NRG3: variants seen among roughly 807,000 people sequenced by gnomAD.
NRG3 encodes pro-neuregulin-3, membrane-bound isoform.
In NRG3, 31 loss-of-function variants were observed where a neutral mutation model predicts 66.9. That is an observed-to-expected ratio of 0.46 (90% CI 0.35 to 0.63). NRG3 has a LOEUF of 0.63. NRG3 is among the 20% of genes least tolerant of loss of function. The probability of loss-of-function intolerance (pLI) is 0.00; values close to 1 mark genes in which losing one functional copy is unlikely to be tolerated. For synonymous variants in NRG3, 393 were observed against 359.4 expected (o/e 1.09, Z -1.06); for missense variants, 910 against 878.9 (o/e 1.04, Z -0.45).
At chr10:82,828,138 A>G (rs2135641437) in intron 3 of NRG3, among the ~76,000 whole-genome samples, 1 of 152,262 alleles carries the variant, frequency 6.6e-6, no homozygotes, top group African/African-American at 2.4e-5. Context: ...GGTGACTGGT[A>G]CAGTCATAGG....
intron 2 of NRG3, among the ~76,000 whole-genome samples, chr10:82,709,626 G>A (rs577190713): frequency 1.3e-5 from 2 of 151,946 alleles, no homozygotes; most frequent in Non-Finnish European, 2.9e-5. Context: ...TGATCCCCCC[G>A]CCTCGGCCTC....
intron 1 of NRG3, among the ~76,000 whole-genome samples, chr10:82,236,121 C>T (rs909205885): frequency 2.0e-5 from 3 of 151,898 alleles, no homozygotes; most frequent in South Asian, 2.1e-4. Flanking sequence ...TACAGTCAGT[C>T]GTTAGAATCC....
At chr10:82,240,511 C>T (rs985273267) in intron 1 of NRG3, among the ~76,000 whole-genome samples, 4 of 151,958 alleles carry the variant, frequency 2.6e-5, no homozygotes, top group Non-Finnish European at 5.9e-5. Flanking sequence ...ATGAAGAGTC[C>T]GAAATGGTTC....
At chr10:82,864,938 G>A (rs565542725) in intron 3 of NRG3, among the ~76,000 whole-genome samples, 128 of 152,176 alleles carry the variant, frequency 8.4e-4, no homozygotes, top group Admixed American at 1.6e-3. Flanking sequence ...CTTTTTTTGT[G>A]GAGGTAAAGT....
At chr10:82,274,406 A>G (rs2078742916) in intron 1 of NRG3, among the ~76,000 whole-genome samples, 1 of 150,596 alleles carries the variant, frequency 6.6e-6, no homozygotes, top group African/African-American at 2.5e-5. Flanking sequence ...ATTAGTTGTC[A>G]GATCTAGAAT....
chr10:82,872,169 G>A (rs571560372), intron 4 of NRG3, among the ~76,000 whole-genome samples: 25 of 152,126 alleles, frequency 1.6e-4, no homozygotes, highest in Admixed American at 1.5e-3. Context: ...TGATATGATC[G>A]TGTGATTTTT....
At chr10:82,390,917 G>T (rs182757968) in intron 2 of NRG3, among the ~76,000 whole-genome samples, 168 of 152,296 alleles carry the variant, frequency 1.1e-3, no homozygotes, top group African/African-American at 3.9e-3. Context: ...GTGGAATTCA[G>T]TTTAGGGGGA....
intron 2 of NRG3, among the ~76,000 whole-genome samples, chr10:82,728,409 T>G (rs1055979280): frequency 4.6e-5 from 7 of 152,070 alleles, no homozygotes; most frequent in Admixed American, 4.6e-4. Context: ...ACTAAATGGG[T>G]CTCACAAGAT....
chr10:82,151,999 C>T (rs539102368), intron 1 of NRG3, among the ~76,000 whole-genome samples: 1 of 152,252 alleles, frequency 6.6e-6, no homozygotes, highest in East Asian at 1.9e-4. Flanking sequence ...GCATAAGTGC[C>T]TGGGACAGGG....
At chr10:82,340,074 T>G (rs1187306099) in intron 1 of NRG3, among the ~76,000 whole-genome samples, 1 of 152,172 alleles carries the variant, frequency 6.6e-6, no homozygotes, top group African/African-American at 2.4e-5. Flanking sequence ...AAACTTCTCT[T>G]GATTGACTTT....
At chr10:82,209,595 G>T (rs897405684) in intron 1 of NRG3, among the ~76,000 whole-genome samples, 7 of 152,154 alleles carry the variant, frequency 4.6e-5, no homozygotes, top group African/African-American at 1.7e-4. Context: ...CACAAGATGA[G>T]GTCTGGCTAT....
chr10:82,281,261 G>C (rs2079108135), intron 1 of NRG3, among the ~76,000 whole-genome samples: 1 of 152,086 alleles, frequency 6.6e-6, no homozygotes, highest in Non-Finnish European at 1.5e-5. Flanking sequence ...GTCCAGTCAT[G>C]GGTCCAGATG....
At chr10:82,247,321 C>T (rs945826579) in intron 1 of NRG3, among the ~76,000 whole-genome samples, 1 of 152,026 alleles carries the variant, frequency 6.6e-6, no homozygotes, top group East Asian at 1.9e-4. Context: ...GACCAAGGAC[C>T]CAGCATGTTC....
intron 4 of NRG3, among the ~76,000 whole-genome samples, chr10:82,884,352 T>C (rs1194301886): frequency 1.3e-5 from 2 of 152,202 alleles, no homozygotes; most frequent in Non-Finnish European, 2.9e-5. Context: ...TCTTTGTTTT[T>C]TCTGTTCCAC....
At chr10:82,153,107 T>C (rs1224404236) in intron 1 of NRG3, among the ~76,000 whole-genome samples, 1 of 152,098 alleles carries the variant, frequency 6.6e-6, no homozygotes, top group Non-Finnish European at 1.5e-5. Context: ...TTTAGCTATG[T>C]AATATATTTT....
chr10:81,997,534 T>C (rs1304330225), intron 1 of NRG3, among the ~76,000 whole-genome samples: 1 of 152,144 alleles, frequency 6.6e-6, no homozygotes, highest in Non-Finnish European at 1.5e-5. Context: ...GCCTCAGCTA[T>C]GTATTTGGAG....
intron 1 of NRG3, among the ~76,000 whole-genome samples, chr10:82,118,380 T>A (rs2067862695): frequency 6.6e-6 from 1 of 151,834 alleles, no homozygotes; most frequent in South Asian, 2.1e-4. Context: ...GTAAGAGAGG[T>A]GAGATCATGT....
rs148699240 is a variant in NRG3 at position 81,891,939 on chromosome 10, C to T, written c.823+15776C>T. Among the ~76,000 whole-genome samples, 214 of 152,228 alleles carry T rather than the reference C, an allele frequency of 1.4e-3. 5 individuals carry two copies. In the East Asian group the frequency reaches 0.036, roughly 25 times the overall value. On this transcript the variant is annotated intron_variant, in intron 1 of 8. Coordinates refer to ENST00000372141, the MANE Select transcript of NRG3 (RefSeq NM_001010848.4). ...TTTCTCTGGCTCGCTCTCTCCCTAC[C>T]TCCCTTCCTCTGTCTCGCTCTGTCC...
At chr10:82,078,491 C>T (rs2065214526) in intron 1 of NRG3, among the ~76,000 whole-genome samples, 1 of 152,188 alleles carries the variant, frequency 6.6e-6, no homozygotes, top group African/African-American at 2.4e-5. Flanking sequence ...GCTGGGACTA[C>T]AGGCACCCGC....
Sources: gnomAD v4.1 joint callset for allele counts (sites outside exome capture counted in the v4.1 genomes callset) on GRCh38, gnomAD v4.1.1 for gene constraint, MANE v1.5 for transcripts, NCBI Gene and HGNC (gene_info 2026-07-23, HGNC 2026-07-21) for gene names.